Variants in ZNF385D observed in about 807,000 individuals in gnomAD.
ZNF385D encodes the protein zinc finger protein 385D.
ZNF385D carries 15 observed loss-of-function variants against 35.8 expected under a neutral mutation model. The ratio of observed to expected loss-of-function variants is 0.42; its 90% CI spans 0.28 to 0.64. ZNF385D has a LOEUF of 0.64. Ranked by LOEUF, ZNF385D falls within the 30% of genes least tolerant of loss-of-function variation. The probability of loss-of-function intolerance (pLI) is 0.23; values close to 1 mark genes in which losing one functional copy is unlikely to be tolerated. For synonymous variants in ZNF385D, 212 were observed against 186.8 expected, an observed-to-expected ratio of 1.13 and a Z score of -1.10; for missense variants, 474 against 494.6, an observed-to-expected ratio of 0.96 and a Z score of 0.39.
intron 3 of ZNF385D, among the ~76,000 whole-genome samples, chr3:22,155,076 A>G (rs561089283): frequency 6.6e-6 from 1 of 152,284 alleles, no homozygotes; most frequent in East Asian, 1.9e-4. Flanking sequence ...GGACAATGAC[A>G]ATATTATTAT....
At chr3:21,929,613 G>C (rs1700904028) in intron 3 of ZNF385D, among the ~76,000 whole-genome samples, 1 of 151,906 alleles carries the variant, frequency 6.6e-6, no homozygotes, top group African/African-American at 2.4e-5. Flanking sequence ...AAGGAAGCAA[G>C]ATAAATGATC....
At position 21,646,705 on chromosome 3, in the gene ZNF385D, C is replaced by A. The variant is rs2065761907; in HGVS notation, c.165+18181G>T. ...AGGCCTGCCTTCACTTCTCAACCAT[C>A]AGAGGCCTGTACAGACCCTTCCAGT... On this transcript the variant is annotated intron_variant, in intron 2 of 7. Coordinates refer to ENST00000281523, the MANE Select transcript of ZNF385D (RefSeq NM_024697.3). This position sits in a 1 kb window ranked among gnomAD's most constrained non-coding sequence, Gnocchi z 4.3. Among the ~76,000 whole-genome samples the A allele has an allele frequency of 6.6e-6, 1 of 152,194 alleles. No homozygotes were observed. Among genetic ancestry groups the A allele is most frequent in the African/African-American group, 2.4e-5 (1 of 41,458 alleles).
chr3:21,477,038 G>A (rs941126168), intron 4 of ZNF385D, among the ~76,000 whole-genome samples: 2 of 152,054 alleles, frequency 1.3e-5, no homozygotes, highest in East Asian at 1.9e-4. Context: ...CAATATTTAA[G>A]TCACTTCTTC....
chr3:21,959,541 G>C (rs1389729389), intron 3 of ZNF385D, among the ~76,000 whole-genome samples: 1 of 152,150 alleles, frequency 6.6e-6, no homozygotes, highest in East Asian at 1.9e-4. Context: ...AAAGAACCAT[G>C]TAAGGTACTT....
chr3:21,692,260 T>C (rs1451944528), intron 1 of ZNF385D, among the ~76,000 whole-genome samples: 1 of 152,188 alleles, frequency 6.6e-6, no homozygotes, highest in East Asian at 1.9e-4. Flanking sequence ...ACAGCTGTTA[T>C]ACAAGTGGAG....
chr3:22,264,899 A>T (rs1214446353), intron 2 of ZNF385D, among the ~76,000 whole-genome samples: 2 of 152,000 alleles, frequency 1.3e-5, no homozygotes, highest in Non-Finnish European at 2.9e-5. Flanking sequence ...AATCATGTTG[A>T]GCCCCTTCAA....
At chr3:22,132,620 G>GA (rs929057093) in intron 3 of ZNF385D, among the ~76,000 whole-genome samples, 6 of 151,800 alleles carry the variant, frequency 4.0e-5, no homozygotes, top group Non-Finnish European at 7.4e-5. Flanking sequence ...TTCATTTTCT[G>GA]AAAAAAATTC....
intron 4 of ZNF385D, among the ~76,000 whole-genome samples, chr3:21,508,822 C>A (rs1433056541): frequency 6.6e-6 from 1 of 152,146 alleles, no homozygotes. Context: ...GGCAGCCATT[C>A]TCCAACTTAA....
At chr3:21,617,340 C>T (rs1324072829) in intron 2 of ZNF385D, among the ~76,000 whole-genome samples, 1 of 152,138 alleles carries the variant, frequency 6.6e-6, no homozygotes. Context: ...TTTGTGAGAA[C>T]TGGGTTTGAG....
intron 2 of ZNF385D, among the ~76,000 whole-genome samples, chr3:21,605,756 A>G (rs1003850261): frequency 1.3e-5 from 2 of 152,194 alleles, no homozygotes; most frequent in African/African-American, 4.8e-5. Flanking sequence ...CATCACTACC[A>G]TCTGGTGAGT....
At chr3:21,933,625 G>T (rs1005805983) in intron 3 of ZNF385D, among the ~76,000 whole-genome samples, 2 of 152,076 alleles carry the variant, frequency 1.3e-5, no homozygotes, top group Admixed American at 1.3e-4. Context: ...TTATATTTGA[G>T]AAAAGAATGA....
chr3:21,970,964 A>C (rs1703216563), intron 3 of ZNF385D, among the ~76,000 whole-genome samples: 1 of 152,080 alleles, frequency 6.6e-6, no homozygotes, highest in African/African-American at 2.4e-5. Context: ...TACTATATCC[A>C]GTAAAAATGT....
chr3:22,008,037 T>A (rs1679256), intron 3 of ZNF385D, among the ~76,000 whole-genome samples: 1 of 151,934 alleles, frequency 6.6e-6, no homozygotes, highest in Non-Finnish European at 1.5e-5. Context: ...CTCTGATGCA[T>A]GTGAACTTTA....
intron 3 of ZNF385D, among the ~76,000 whole-genome samples, chr3:21,790,431 T>G (rs1396746364): frequency 6.6e-6 from 1 of 152,150 alleles, no homozygotes. Context: ...GTGATAAGAT[T>G]TGGGGTGATT....
intron 3 of ZNF385D, among the ~76,000 whole-genome samples, chr3:21,890,186 T>C (rs1698776976): frequency 6.6e-6 from 1 of 152,170 alleles, no homozygotes; most frequent in African/African-American, 2.4e-5. Context: ...GCAGGTTATA[T>C]AAGCAAGAGA....
At chr3:21,951,438 G>C (rs1702060304) in intron 3 of ZNF385D, among the ~76,000 whole-genome samples, 1 of 151,678 alleles carries the variant, frequency 6.6e-6, no homozygotes, top group Non-Finnish European at 1.5e-5. Flanking sequence ...AGCTTAAGGA[G>C]ATTTGGGGCT....
chr3:22,130,610 T>C (rs1201788634), intron 3 of ZNF385D, among the ~76,000 whole-genome samples: 1 of 152,180 alleles, frequency 6.6e-6, no homozygotes, highest in Non-Finnish European at 1.5e-5. Context: ...AATTTCCCAG[T>C]GAAAACTTCA....
chr3:22,043,325 A>C (rs1698788128), intron 3 of ZNF385D, among the ~76,000 whole-genome samples: 1 of 152,158 alleles, frequency 6.6e-6, no homozygotes, highest in South Asian at 2.1e-4. Context: ...TATGTTTCTT[A>C]CAGTTTAGGT....
chr3:22,325,854 G>A (rs757781185), intron 2 of ZNF385D, among the ~76,000 whole-genome samples: 9 of 151,902 alleles, frequency 5.9e-5, no homozygotes, highest in Non-Finnish European at 1.3e-4. Context: ...CTAAAGGTCT[G>A]GTAGTTTTAA....
Sources: allele counts gnomAD v4.1 joint callset (sites outside exome capture counted in the v4.1 genomes callset), GRCh38; gene constraint gnomAD v4.1.1; non-coding constraint Gnocchi (gnomAD v3.1); transcripts MANE v1.5; gene names NCBI Gene and HGNC (gene_info 2026-07-23, HGNC 2026-07-21).